Variants in POFUT3 observed in about 807,000 individuals in gnomAD.
POFUT3 encodes the protein GDP-fucose protein O-fucosyltransferase 3.
chr8:33,309,195 TATATACAC>T, the POFUT3 span, among the ~76,000 whole-genome samples: 242 of 108,704 alleles, frequency 2.2e-3, 1 homozygote, highest in East Asian at 0.015. Flanking sequence ...TATATATATA[TATATACAC>T]ACACATATTT....
the POFUT3 span, among the ~76,000 whole-genome samples, chr8:33,394,992 C>A: frequency 2.0e-5 from 3 of 152,186 alleles, no homozygotes; most frequent in Non-Finnish European, 2.9e-5. Context: ...CCATGTCCAA[C>A]CTTCTATGCT....
At chr8:33,392,064 G>GA in the POFUT3 span, among the ~76,000 whole-genome samples, 1 of 152,124 alleles carries the variant, frequency 6.6e-6, no homozygotes, top group Non-Finnish European at 1.5e-5. Flanking sequence ...AATAGTGGGA[G>GA]ATGCTTATTA....
At chr8:33,372,690 A>T in the POFUT3 span, 1 of 1,614,100 alleles carries the variant, frequency 6.2e-7, no homozygotes, top group Non-Finnish European at 8.5e-7. Context: ...CTGGAAATCC[A>T]CATCTCTCGC....
the POFUT3 span, among the ~76,000 whole-genome samples, chr8:33,384,217 T>C: frequency 6.6e-6 from 1 of 152,184 alleles, no homozygotes; most frequent in South Asian, 2.1e-4. Context: ...GAACAGGACA[T>C]TGTAGGAATG....
chr8:33,331,129 C>G, the POFUT3 span, among the ~76,000 whole-genome samples: 1 of 151,952 alleles, frequency 6.6e-6, no homozygotes, highest in South Asian at 2.1e-4. Context: ...CACCTGAGGT[C>G]AGGAGTTTCG....
chr8:33,351,418 C>T, the POFUT3 span, among the ~76,000 whole-genome samples: 1 of 152,078 alleles, frequency 6.6e-6, no homozygotes, highest in Non-Finnish European at 1.5e-5. Flanking sequence ...TAGATTAATG[C>T]CCTTCCTGGT....
the POFUT3 span, among the ~76,000 whole-genome samples, chr8:33,446,747 G>T: frequency 1.2e-4 from 18 of 152,156 alleles, no homozygotes; most frequent in Non-Finnish European, 2.4e-4. Flanking sequence ...CAACAAGTTG[G>T]TTTTTTATTA....
chr8:33,371,952 T>G, the POFUT3 span: 4 of 156,182 alleles, frequency 2.6e-5, no homozygotes, highest in African/African-American at 9.6e-5. Context: ...CAAGACATTC[T>G]ACTTTGAAGG....
the POFUT3 span, among the ~76,000 whole-genome samples, chr8:33,374,958 G>A: frequency 2.0e-5 from 3 of 150,392 alleles, no homozygotes; most frequent in African/African-American, 7.3e-5. Context: ...ACTGCAACCT[G>A]CAACCTCCAC....
chr8:33,333,332 T>A, the POFUT3 span, among the ~76,000 whole-genome samples: 1 of 151,816 alleles, frequency 6.6e-6, no homozygotes, highest in Non-Finnish European at 1.5e-5. Flanking sequence ...GGTAAGGAGG[T>A]CAGACCATGT....
chr8:33,366,106 A>T, the POFUT3 span, among the ~76,000 whole-genome samples: 48 of 152,338 alleles, frequency 3.2e-4, no homozygotes, highest in African/African-American at 1.1e-3. Flanking sequence ...TGTCCTTTGC[A>T]GGGACATGGA....
At chr8:33,386,971 C>T in the POFUT3 span, among the ~76,000 whole-genome samples, 1 of 152,126 alleles carries the variant, frequency 6.6e-6, no homozygotes, top group African/African-American at 2.4e-5. Flanking sequence ...AAACCTAGCC[C>T]AAGCAAATCA....
the POFUT3 span, among the ~76,000 whole-genome samples, chr8:33,459,503 G>T: frequency 1.3e-5 from 2 of 151,738 alleles, no homozygotes; most frequent in South Asian, 4.2e-4. Flanking sequence ...TTAGCCACGT[G>T]TGGTAGTACA....
the POFUT3 span, chr8:33,436,170 C>T: frequency 3.8e-5 from 47 of 1,226,524 alleles, no homozygotes; most frequent in Admixed American, 9.8e-4. Context: ...TTAAGGTCCA[C>T]GGTTCCTAAG....
chr8:33,389,910 T>C, the POFUT3 span: 3 of 756,632 alleles, frequency 4.0e-6, no homozygotes, highest in Non-Finnish European at 6.4e-6. Flanking sequence ...ATAAGAAGCA[T>C]GTGGCCGGGC....
the POFUT3 span, among the ~76,000 whole-genome samples, chr8:33,344,444 A>G: frequency 1.3e-5 from 2 of 152,236 alleles, no homozygotes; most frequent in African/African-American, 2.4e-5. Flanking sequence ...TGGTGTAAGC[A>G]GGACTGACAC....
At chr8:33,392,803 G>A in the POFUT3 span, among the ~76,000 whole-genome samples, 6,618 of 151,910 alleles carry the variant, frequency 0.044, 465 homozygotes, top group African/African-American at 0.15. Context: ...GGCCAACATG[G>A]TGAAACCCCG....
the POFUT3 span, among the ~76,000 whole-genome samples, chr8:33,468,323 G>T: frequency 6.6e-6 from 1 of 152,122 alleles, no homozygotes; most frequent in Non-Finnish European, 1.5e-5. Context: ...CCTAGTTGCA[G>T]GAGAGGCAAG....
chr8:33,443,082 C>T, the POFUT3 span, among the ~76,000 whole-genome samples: 1 of 151,932 alleles, frequency 6.6e-6, no homozygotes, highest in Non-Finnish European at 1.5e-5. Flanking sequence ...CACTGCACTG[C>T]GGCCTAGGTG....
Sources: gnomAD v4.1 joint callset for allele counts (sites outside exome capture counted in the v4.1 genomes callset) on GRCh38, gnomAD v4.1.1 for gene constraint, MANE v1.5 for transcripts, NCBI Gene and HGNC (gene_info 2026-07-23, HGNC 2026-07-21) for gene names.